The following LIMCH1 variants were observed in gnomAD, a reference collection of about 807,000 sequenced individuals.
The protein encoded by LIMCH1 is LIM and calponin homology domains-containing protein 1.
LIMCH1 carries 113 observed loss-of-function variants against 176.5 expected under a neutral mutation model. That is an observed-to-expected ratio of 0.64 (90% CI 0.55 to 0.75). LIMCH1 has a LOEUF of 0.75. Ranked by LOEUF, LIMCH1 falls within the 30% of genes least tolerant of loss-of-function variation. The probability of loss-of-function intolerance (pLI) is 0.00; values close to 1 mark genes in which losing one functional copy is unlikely to be tolerated. For missense variants in LIMCH1, 1,674 were observed against 1,814.9 expected (o/e 0.92, Z 1.41); for synonymous variants, 619 against 645.9 (o/e 0.96, Z 0.63).
At chr4:41,671,224 G>T (rs115444845) in intron 21 of LIMCH1, among the ~76,000 whole-genome samples, 1 of 152,086 alleles carries the variant, frequency 6.6e-6, no homozygotes, top group Non-Finnish European at 1.5e-5. Flanking sequence ...AATGCAAGGT[G>T]CACTAAGAAT....
rs142169264 is a variant in LIMCH1, at chr4:41,484,771, C to T, written c.97-9765C>T. Among the ~76,000 whole-genome samples the T allele has an allele frequency of 4.0e-3, 616 of 152,144 alleles. 1 individual carries two copies. The highest frequency in any genetic ancestry group is 5.3e-3 in the Non-Finnish European group (361 of 67,988). On this transcript the variant is annotated intron_variant, in intron 1 of 26. Coordinates refer to the LIMCH1 transcript ENST00000313860. ...GTTCCAGTTGCTTGAATCTAGGCAC[C>T]ATTATTTCATCAGCCAACAGAATCT...
intron 7 of LIMCH1, 76 bp downstream of exon 7, chr4:41,620,766 A>T (rs760321213): frequency 7.0e-7 from 1 of 1,424,800 alleles, no homozygotes; most frequent in Non-Finnish European, 9.2e-7. Flanking sequence ...AGAGAGTTGG[A>T]GTTTTCATCT....
At chr4:41,362,098 C>T (rs1435284146) in intron 1 of LIMCH1, among the ~76,000 whole-genome samples, 1 of 152,234 alleles carries the variant, frequency 6.6e-6, no homozygotes, top group Non-Finnish European at 1.5e-5. Context: ...CAGATTTAAA[C>T]CTGCTGAGCT....
intron 1 of LIMCH1, among the ~76,000 whole-genome samples, chr4:41,442,234 A>T (rs2062778648): frequency 6.6e-6 from 1 of 152,194 alleles, no homozygotes; most frequent in Non-Finnish European, 1.5e-5. Context: ...TGGGAGGTTG[A>T]GGCTGCAGTG....
chr4:41,543,672 C>A lies in LIMCH1; in HGVS notation c.-241+5322C>A, dbSNP rs192745516. Among the ~76,000 whole-genome samples the A allele has an allele frequency of 5.9e-5, 9 of 152,190 alleles. No homozygotes were observed. In the South Asian group the frequency reaches 1.0e-3, roughly 18 times the overall value. ...ATTCTTTGGTCTGAGTCTCAGCTCC[C>A]GTGTCAGACCTCTGAGTCCCAAACA... On this transcript the variant is annotated intron_variant, in intron 1 of 31. Coordinates refer to ENST00000503057, the MANE Select transcript of LIMCH1 (RefSeq NM_001330672.2).
intron 3 of LIMCH1, among the ~76,000 whole-genome samples, chr4:41,531,515 C>CACACACACACACAT (rs763489174): frequency 1.9e-5 from 2 of 105,774 alleles, no homozygotes; most frequent in Admixed American, 8.8e-5. Flanking sequence ...CACACACACA[C>CACACACACACACAT]ATACACACCT....
At chr4:41,590,650 C>G (rs1257763838) in intron 1 of LIMCH1, among the ~76,000 whole-genome samples, 3 of 152,154 alleles carry the variant, frequency 2.0e-5, no homozygotes, top group Non-Finnish European at 2.9e-5. Flanking sequence ...GCTCATTTCC[C>G]ATCCATAAAA....
Position 41,620,680 on chromosome 4 carries a change from C to T in LIMCH1, c.715C>T (p.Arg239Cys), listed in dbSNP as rs768896916. 6 of 1,534,078 alleles carry T rather than the reference C, an allele frequency of 3.9e-6. No individual in the cohort carries two copies. The highest frequency in any genetic ancestry group is 2.4e-5 in the South Asian group (2 of 83,848). Reference sequence around the variant, plus strand: ...AATCAAGGTCATGCCAGCAGCACAGCGCTTTGCCAGGTCAGCTCTGGGCTG... The same window carrying T: ...AATCAAGGTCATGCCAGCAGCACAGTGCTTTGCCAGGTCAGCTCTGGGCTG... ...AGIKVMPAAQ[R>C]FASQKQLSEE... Residue 239 changes from arginine (R) to cysteine (C), a missense_variant, in exon 7 of 32, where the codon CGC becomes TGC. Coordinates refer to ENST00000503057, the MANE Select transcript of LIMCH1 (RefSeq NM_001330672.2).
chr4:41,650,937 T>C (rs552206822), intron 18 of LIMCH1, among the ~76,000 whole-genome samples: 1 of 152,226 alleles, frequency 6.6e-6, no homozygotes, highest in African/African-American at 2.4e-5. Flanking sequence ...GTCATCCCCC[T>C]CTCTGCCTTT....
At chr4:41,446,412 C>T (rs1369200953) in intron 1 of LIMCH1, among the ~76,000 whole-genome samples, 1 of 152,190 alleles carries the variant, frequency 6.6e-6, no homozygotes, top group Non-Finnish European at 1.5e-5. Flanking sequence ...GAAAGACATT[C>T]TCAGAGATTC....
intron 2 of LIMCH1, among the ~76,000 whole-genome samples, chr4:41,508,546 G>A (rs2074458175): frequency 6.6e-6 from 1 of 152,152 alleles, no homozygotes; most frequent in African/African-American, 2.4e-5. Flanking sequence ...GGACATCAGG[G>A]TTAAGCTATG....
chr4:41,481,690 G>A (rs915783964), intron 1 of LIMCH1, among the ~76,000 whole-genome samples: 2 of 152,048 alleles, frequency 1.3e-5, no homozygotes, highest in African/African-American at 4.8e-5. Flanking sequence ...ATTTTGGGGG[G>A]AGAATGTTAT....
chr4:41,498,706 C>T (rs977153843), intron 2 of LIMCH1, among the ~76,000 whole-genome samples: 1 of 152,190 alleles, frequency 6.6e-6, no homozygotes, highest in African/African-American at 2.4e-5. Flanking sequence ...AGAAGCTACT[C>T]CCAGGTTGGA....
intron 3 of LIMCH1, among the ~76,000 whole-genome samples, chr4:41,530,096 A>AGG (rs2077097293): frequency 6.6e-6 from 1 of 152,196 alleles, no homozygotes; most frequent in Admixed American, 6.5e-5. Context: ...GTTTATGAAA[A>AGG]CTGACATCAG....
intron 17 of LIMCH1, among the ~76,000 whole-genome samples, chr4:41,648,658 G>GGGGTGTGTGTGTGTGTGT (rs1554153123): frequency 1.5e-4 from 20 of 135,332 alleles, no homozygotes; most frequent in African/African-American, 5.6e-4. Flanking sequence ...AAGGGGTAGG[G>GGGGTGTGTGTGTGTGTGT]GTGTGTGTGT....
At chr4:41,472,519 A>G (rs1262319254) in intron 1 of LIMCH1, among the ~76,000 whole-genome samples, 2 of 152,026 alleles carry the variant, frequency 1.3e-5, no homozygotes, top group Admixed American at 1.3e-4. Flanking sequence ...TCTTGGGCCC[A>G]AGTGATCCTC....
intron 1 of LIMCH1, among the ~76,000 whole-genome samples, chr4:41,435,087 C>T (rs2154138161): frequency 6.6e-6 from 1 of 152,182 alleles, no homozygotes; most frequent in East Asian, 1.9e-4. Context: ...GGGAGATTAT[C>T]CTAGGTTATC....
chr4:41,517,526 G>A (rs545462014), intron 2 of LIMCH1, among the ~76,000 whole-genome samples: 1 of 152,176 alleles, frequency 6.6e-6, no homozygotes, highest in African/African-American at 2.4e-5. Flanking sequence ...AGTGGCTTAA[G>A]TGTGACCTAT....
chr4:41,474,891 C>G (rs1413664931), intron 1 of LIMCH1, among the ~76,000 whole-genome samples: 2 of 152,084 alleles, frequency 1.3e-5, no homozygotes, highest in Non-Finnish European at 2.9e-5. Flanking sequence ...GACTGCAGCA[C>G]TATTCACCAT....
Sources: gnomAD v4.1 joint callset for allele counts (sites outside exome capture counted in the v4.1 genomes callset) on GRCh38, gnomAD v4.1.1 for gene constraint, MANE v1.5 for transcripts, NCBI Gene and HGNC (gene_info 2026-07-23, HGNC 2026-07-21) for gene names.